The following LGALS8 variants were observed in gnomAD, a reference collection of about 807,000 sequenced individuals.
LGALS8 encodes the protein galectin-8.
In LGALS8, 30 loss-of-function variants were observed where a neutral mutation model predicts 35.9. The ratio of observed to expected loss-of-function variants is 0.83; its 90% CI spans 0.62 to 1.13. The LOEUF is 1.13. LGALS8 is among the 50% of genes most tolerant of loss of function. LGALS8 has a pLI of 0.00. For missense variants in LGALS8, 366 were observed against 388.7 expected (o/e 0.94, Z 0.49); for synonymous variants, 138 against 136.1 (o/e 1.01, Z -0.10).
At chr1:236,544,103 C>G (rs1330983440) in intron 8 of LGALS8, among the ~76,000 whole-genome samples, 3 of 152,054 alleles carry the variant, frequency 2.0e-5, no homozygotes, top group African/African-American at 7.2e-5. Context: ...CACCACCACG[C>G]CCAGCTACTT....
At chr1:236,528,544 CA>C (rs1204727936) in intron 2 of LGALS8, among the ~76,000 whole-genome samples, 4 of 104,994 alleles carry the variant, frequency 3.8e-5, no homozygotes, top group African/African-American at 1.4e-4. Context: ...TTAATGTTTC[CA>C]ATTTTTTTTT....
rs61261486 is a variant in LGALS8 at position 236,528,546 on chromosome 1, A to ATTTTTTTTTTTTTT, written c.45+2441_45+2454dup. On this transcript the variant is annotated intron_variant, in intron 2 of 9. Transcript: ENST00000366584. ...AATTTTTATTTCATTAATGTTTCCA[A>ATTTTTTTTTTTTTT]TTTTTTTTTTTTTTTTTTTTTTTAA... 1.5e-3 allele frequency among the ~76,000 whole-genome samples: 155 copies of ATTTTTTTTTTTTTT among 104,220 alleles called. 1 individual carries two copies. The highest frequency in any genetic ancestry group is 2.3e-3 in the Non-Finnish European group (125 of 55,316). 68.4% of individuals were successfully genotyped at this position (104,220 alleles called of 152,430 possible).
At chr1:236,521,272 A>C (rs1050192090), upstream of LGALS8, among the ~76,000 whole-genome samples, 4 of 152,186 alleles carry the variant, frequency 2.6e-5, no homozygotes, top group Non-Finnish European at 4.4e-5. Flanking sequence ...GAGTGTTTGC[A>C]ATTTTAAATA....
At chr1:236,537,934 TA>T (rs1553277041) in intron 3 of LGALS8, among the ~76,000 whole-genome samples, 47 of 128,850 alleles carry the variant, frequency 3.6e-4, no homozygotes, top group South Asian at 7.1e-4. Context: ...CCCCCATCTG[TA>T]AAAAAAAAAA....
chr1:236,527,425 G>GC (rs1176539111), intron 2 of LGALS8, among the ~76,000 whole-genome samples: 1 of 152,174 alleles, frequency 6.6e-6, no homozygotes, highest in African/African-American at 2.4e-5. Context: ...CAGTCTTGTG[G>GC]CATGGGCTGG....
rs375197710 is a variant in LGALS8 at position 236,535,617 on chromosome 1, G to A, written c.46-1880G>A. Among the ~76,000 whole-genome samples the A allele has an allele frequency of 1.1e-3, 166 of 152,320 alleles. 5 individuals carry two copies. In the South Asian group the frequency reaches 0.034, roughly 31 times the overall value. On this transcript the variant is annotated intron_variant, in intron 2 of 9. Coordinates refer to ENST00000366584, the MANE Select transcript of LGALS8 (RefSeq NM_201544.4). ...TCTTGGAACCAGCTGTGACCCAAAA[G>A]ATCAATGTAGGGATGTAGGTCCTTC...
At chr1:236,538,101 A>AAAAAAAAAAAAAAAAG (rs371245157) in intron 3 of LGALS8, among the ~76,000 whole-genome samples, 4,538 of 95,126 alleles carry the variant, frequency 0.048, 701 homozygotes, top group African/African-American at 0.083. Context: ...AAAAAAAAGA[A>AAAAAAAAAAAAAAAAG]AAAGAAAAAG....
Position 236,548,147 on chromosome 1 carries a change from G to T in LGALS8, c.940G>T (p.Val314Leu). The T allele has an allele frequency of 6.2e-7, 1 of 1,613,502 alleles. No individual in the cohort carries two copies. The highest frequency in any genetic ancestry group is 8.5e-7 in the Non-Finnish European group (1 of 1,179,624). Reference protein sequence around the residue: ...EINGDIHLLEVRSW With the variant: ...EINGDIHLLELRSW ...TAATGGAGACATCCACTTACTGGAA[G>T]TAAGGAGCTGGTAGCCTACCTACAC... The change falls in exon 10 of 10, where the codon GTA (valine) becomes TTA (leucine). Residue 314 changes from valine (V) to leucine (L), a missense_variant. Physicochemically the swap from Val to Leu is conservative, Grantham distance 32 (BLOSUM62 1). Coordinates refer to ENST00000366584, the MANE Select transcript of LGALS8 (RefSeq NM_201544.4).
chr1:236,547,489 G>A (rs932742612), intron 9 of LGALS8, among the ~76,000 whole-genome samples: 1 of 152,114 alleles, frequency 6.6e-6, no homozygotes, highest in Admixed American at 6.5e-5. Context: ...CCTAGCAAGT[G>A]CCTTAAGCTG....
intron 1 of LGALS8, among the ~76,000 whole-genome samples, chr1:236,525,194 T>C (rs1361110478): frequency 1.3e-5 from 2 of 152,222 alleles, no homozygotes; most frequent in Non-Finnish European, 2.9e-5. Flanking sequence ...CTTTGATTTG[T>C]TTAAATTGGA....
At position 236,548,369 on chromosome 1, in the gene LGALS8, T is replaced by G. The variant is rs564531890; in HGVS notation, c.*208T>G. ...GGGAAACTGGGGGCAGCAACACTTA[T>G]AGCCAGTTAAAGCCACTCTGCCCTC... On this transcript the variant is annotated 3_prime_UTR_variant, in exon 10 of 10. Transcript: ENST00000366584. 1.8e-6 allele frequency: 1 copy of G among 559,166 alleles called. No homozygotes were observed. Among genetic ancestry groups the G allele is most frequent in the African/African-American group, 1.9e-5 (1 of 52,922 alleles). 34.6% of individuals were successfully genotyped at this position (559,166 alleles called of 1,614,324 possible).
intron 3 of LGALS8, 73 bp downstream of exon 3, chr1:236,537,658 A>C: frequency 1.8e-6 from 2 of 1,090,338 alleles, no homozygotes; most frequent in South Asian, 1.3e-5. Flanking sequence ...TAACAGAGTA[A>C]GGCGGGAGAG....
Position 236,552,650 on chromosome 1 carries a change from G to T in LGALS8, c.*4489G>T, listed in dbSNP as rs565404642. On this transcript the variant is annotated 3_prime_UTR_variant, in exon 10 of 10. Coordinates refer to ENST00000366584, the MANE Select transcript of LGALS8 (RefSeq NM_201544.4). ...AGTTTTGGGGCTTTAAAAACGTCTA[G>T]GTGTTCCTCACATGCCTTGTCTATA... 1 of 152,316 alleles carries T rather than the reference G, an allele frequency of 6.6e-6. No homozygotes were observed. Among genetic ancestry groups the T allele is most frequent in the South Asian group, 2.1e-4 (1 of 4,820 alleles). The allele number at this position is 152,316 out of a possible 1,614,324, so 9.4% of individuals were successfully genotyped here.
chr1:236,533,032 C>A (rs1661238358), intron 2 of LGALS8, among the ~76,000 whole-genome samples: 1 of 152,168 alleles, frequency 6.6e-6, no homozygotes, highest in Non-Finnish European at 1.5e-5. Context: ...AGTCAGTCAC[C>A]CAGATGACCT....
At chr1:236,545,288 A>G (rs575664900) in intron 9 of LGALS8, 6 of 100,748 alleles carry the variant, frequency 6.0e-5, no homozygotes, top group African/African-American at 1.3e-4. Context: ...ATCATCTCCC[A>G]TCAGGGTAGA....
upstream of LGALS8, among the ~76,000 whole-genome samples, chr1:236,520,558 C>G (rs981520749): frequency 6.6e-6 from 1 of 152,136 alleles, no homozygotes; most frequent in Non-Finnish European, 1.5e-5. Flanking sequence ...TCAGAGTCAG[C>G]AATGACATCC....
chr1:236,548,077 C>T lies in LGALS8; in HGVS notation c.870C>T (p.Tyr290=), dbSNP rs1329293630. The change falls in exon 10 of 10, where the codon TAC becomes TAT. Residue 290 remains tyrosine, a synonymous_variant. Coordinates refer to ENST00000366584, the MANE Select transcript of LGALS8 (RefSeq NM_201544.4). ...VAVNGVHSLE[Y]KHRFKELSSI... ...TAAATGGCGTACACAGCCTGGAGTA[C>T]AAACACAGATTTAAAGAGCTCAGCA... 1 of 1,613,426 alleles carries T rather than the reference C, an allele frequency of 6.2e-7. No individual in the cohort carries two copies. Among genetic ancestry groups the T allele is most frequent in the Non-Finnish European group, 8.5e-7 (1 of 1,179,504 alleles).
upstream of LGALS8, among the ~76,000 whole-genome samples, chr1:236,521,740 A>G (rs1660555581): frequency 6.6e-6 from 1 of 152,044 alleles, no homozygotes; most frequent in Admixed American, 6.6e-5. Flanking sequence ...AGGCACATGA[A>G]TCACTTGAAC....
intron 7 of LGALS8, 87 bp from the exon 8 acceptor site, chr1:236,543,473 A>G: frequency 1.0e-6 from 1 of 1,003,116 alleles, no homozygotes; most frequent in Non-Finnish European, 1.6e-6. Flanking sequence ...ATGGCTCTGA[A>G]ACATTCCGTA....
Sources: gnomAD v4.1 joint callset for allele counts (sites outside exome capture counted in the v4.1 genomes callset) on GRCh38, gnomAD v4.1.1 for gene constraint, MANE v1.5 for transcripts, NCBI Gene and HGNC (gene_info 2026-07-23, HGNC 2026-07-21) for gene names.